ST3GAL3: variants seen among roughly 807,000 people sequenced by gnomAD.
The protein encoded by ST3GAL3 is ST3 beta-galactoside alpha-2,3-sialyltransferase 3.
In ST3GAL3, 21 loss-of-function variants were observed where a neutral mutation model predicts 50.1. The observed-to-expected ratio is 0.42, with a 90% CI of 0.30 to 0.60. ST3GAL3 has a LOEUF of 0.60. ST3GAL3 is among the 20% of genes least tolerant of loss of function. ST3GAL3 has a pLI of 0.19. For missense variants in ST3GAL3, 353 were observed against 489.4 expected, an observed-to-expected ratio of 0.72 and a Z score of 2.63; for synonymous variants, 183 against 190.0, an observed-to-expected ratio of 0.96 and a Z score of 0.30.
At chr1:43,806,790 G>T (rs1391681053) in intron 3 of ST3GAL3, among the ~76,000 whole-genome samples, 1 of 152,146 alleles carries the variant, frequency 6.6e-6, no homozygotes, top group East Asian at 1.9e-4. Flanking sequence ...TCCGGGCTCA[G>T]GTGATCCTCC....
At chr1:43,808,806 G>A (rs1348588460) in intron 3 of ST3GAL3, among the ~76,000 whole-genome samples, 2 of 152,144 alleles carry the variant, frequency 1.3e-5, no homozygotes, top group African/African-American at 2.4e-5. Context: ...ACCAGAATCT[G>A]GGGAAAGAAC....
In ST3GAL3 at chr1:43,857,582, CCCTCCCTTCCTTCCTTCCTT is replaced by C. The variant is rs1298849276; in HGVS notation, c.302+19275_302+19294del. ...TTCCTTCCTTCTTTCTTTCCTTCCT[CCCTCCCTTCCTTCCTTCCTT>C]CCTTCCTTCCTTCCTTCCTTCCTTC... On this transcript the variant is annotated intron_variant, in intron 5 of 11. Coordinates refer to ENST00000347631, the MANE Select transcript of ST3GAL3 (RefSeq NM_006279.5). 2.4e-3 allele frequency among the ~76,000 whole-genome samples: 225 copies of C among 93,840 alleles called. 5 individuals are homozygous for C. The highest frequency in any genetic ancestry group is 9.4e-3 in the African/African-American group (210 of 22,442). The allele number at this position is 93,840 out of a possible 152,430, so 61.6% of individuals were successfully genotyped here.
At chr1:43,823,548 A>G (rs1368952357) in intron 4 of ST3GAL3, among the ~76,000 whole-genome samples, 1 of 152,116 alleles carries the variant, frequency 6.6e-6, no homozygotes, top group Non-Finnish European at 1.5e-5. Context: ...CCCATTTAAA[A>G]TCATAGCCCC....
At chr1:43,749,700 G>A (rs1685267237) in intron 2 of ST3GAL3, among the ~76,000 whole-genome samples, 1 of 152,204 alleles carries the variant, frequency 6.6e-6, no homozygotes, top group African/African-American at 2.4e-5. Context: ...GTCCCTTCCA[G>A]AAATTCTTGT....
intron 5 of ST3GAL3, among the ~76,000 whole-genome samples, chr1:43,871,715 G>A (rs560605110): frequency 1.4e-5 from 1 of 69,312 alleles, no homozygotes; most frequent in East Asian, 4.8e-4. Flanking sequence ...AGGCTGGGGT[G>A]TGAGGGAGAG....
At chr1:43,865,940 G>T (rs1558641284) in intron 5 of ST3GAL3, among the ~76,000 whole-genome samples, 1 of 152,230 alleles carries the variant, frequency 6.6e-6, no homozygotes, top group Non-Finnish European at 1.5e-5. Flanking sequence ...GATACATTAT[G>T]TCAGTAGCTC....
At position 43,880,611 on chromosome 1, in the gene ST3GAL3, C is replaced by T. The variant is rs144773965; in HGVS notation, c.303-13772C>T. The stretch of plus-strand genomic sequence containing the variant: ...TCCCACTTCATCTCCAGCCTCCATT[C>T]CACTTCTGTCCTCTCCTTCACTACC... On this transcript the variant is annotated intron_variant, in intron 5 of 11. Coordinates refer to ENST00000347631, the MANE Select transcript of ST3GAL3 (RefSeq NM_006279.5). Among the ~76,000 whole-genome samples the T allele has an allele frequency of 3.2e-3, 483 of 152,262 alleles. 1 individual carries two copies. The highest frequency in any genetic ancestry group is 0.011 in the African/African-American group (460 of 41,558).
At chr1:43,823,246 A>T (rs781237483) in intron 4 of ST3GAL3, among the ~76,000 whole-genome samples, 4 of 151,962 alleles carry the variant, frequency 2.6e-5, no homozygotes, top group Non-Finnish European at 1.5e-5. Flanking sequence ...GAACTCCCCA[A>T]TGGCTCCCCA....
chr1:43,708,930 C>G (rs1400648908), intron 1 of ST3GAL3, among the ~76,000 whole-genome samples: 1 of 152,114 alleles, frequency 6.6e-6, no homozygotes, highest in Non-Finnish European at 1.5e-5. Flanking sequence ...AAGAAACTTG[C>G]TCTAATGGGC....
At chr1:43,920,137 C>G in intron 9 of ST3GAL3, 1 of 507,828 alleles carries the variant, frequency 2.0e-6, no homozygotes, top group Admixed American at 3.1e-5. Context: ...CATCCCACAT[C>G]CTGTGCCTGC....
At chr1:43,792,195 G>A (rs1421692604) in intron 3 of ST3GAL3, 46 bp downstream of exon 3, 4 of 1,612,638 alleles carry the variant, frequency 2.5e-6, no homozygotes. Flanking sequence ...TTCAATATTA[G>A]CCATATTTTT....
At chr1:43,760,979 A>G (rs1259602937) in intron 2 of ST3GAL3, among the ~76,000 whole-genome samples, 1 of 152,280 alleles carries the variant, frequency 6.6e-6, no homozygotes, top group African/African-American at 2.4e-5. Context: ...CAAAGGCCAC[A>G]TATTTAATGG....
chr1:43,782,501 C>G (rs1199763499), intron 2 of ST3GAL3, among the ~76,000 whole-genome samples: 2 of 152,136 alleles, frequency 1.3e-5, no homozygotes, highest in Non-Finnish European at 2.9e-5. Context: ...TCAATAAAAT[C>G]CAGACTCCTA....
At chr1:43,856,636 A>G (rs184157151) in intron 5 of ST3GAL3, among the ~76,000 whole-genome samples, 2 of 152,340 alleles carry the variant, frequency 1.3e-5, no homozygotes, top group African/African-American at 4.8e-5. Flanking sequence ...GACAACCTCA[A>G]TGCCTGTCCA....
At chr1:43,716,527 A>T (rs1667471058) in intron 1 of ST3GAL3, 3 of 152,220 alleles carry the variant, frequency 2.0e-5, no homozygotes, top group Non-Finnish European at 4.4e-5. Flanking sequence ...TTAGGATGAC[A>T]CACAAATTTA....
chr1:43,857,927 T>C (rs759300726), intron 5 of ST3GAL3, among the ~76,000 whole-genome samples: 1 of 152,144 alleles, frequency 6.6e-6, no homozygotes, highest in Non-Finnish European at 1.5e-5. Flanking sequence ...TATTTAACTT[T>C]TCTAGTGATT....
At chr1:43,929,492 CAG>C (rs978209279) in intron 11 of ST3GAL3, among the ~76,000 whole-genome samples, 1 of 152,114 alleles carries the variant, frequency 6.6e-6, no homozygotes, top group African/African-American at 2.4e-5. Flanking sequence ...TTAGTAGAAA[CAG>C]GGTTTCACCA....
intron 5 of ST3GAL3, among the ~76,000 whole-genome samples, chr1:43,886,323 G>T (rs888390191): frequency 6.6e-6 from 1 of 152,184 alleles, no homozygotes; most frequent in African/African-American, 2.4e-5. Flanking sequence ...GTAGGTTGCA[G>T]TGAGCCAAGA....
At chr1:43,851,071 A>C in intron 5 of ST3GAL3, 1 of 867,976 alleles carries the variant, frequency 1.2e-6, no homozygotes. Flanking sequence ...CATGAGATAC[A>C]CCCCATTCTC....
Sources: gnomAD v4.1 joint callset for allele counts (sites outside exome capture counted in the v4.1 genomes callset) on GRCh38, gnomAD v4.1.1 for gene constraint, MANE v1.5 for transcripts, NCBI Gene and HGNC (gene_info 2026-07-23, HGNC 2026-07-21) for gene names.